Variants in GCC2 observed in about 807,000 individuals in gnomAD.
GCC2 encodes GRIP and coiled-coil domain containing 2.
Under a neutral mutation model 210.6 loss-of-function variants are expected in GCC2, and 120 were observed. The observed-to-expected ratio is 0.57, with a 90% CI of 0.49 to 0.66. The LOEUF (loss-of-function observed/expected upper bound fraction) is 0.66, where lower values mean the gene tolerates loss of function less well. Among genes scored for constraint, GCC2 ranks in the 30% least tolerant of loss-of-function variants. The pLI is 0.00. For missense variants in GCC2, 1,868 were observed against 1,871.9 expected, an observed-to-expected ratio of 1.00 and a Z score of 0.04; for synonymous variants, 703 against 652.7, an observed-to-expected ratio of 1.08 and a Z score of -1.17.
intron 9 of GCC2, among the ~76,000 whole-genome samples, chr2:108,480,846 C>G (rs1319379279): frequency 7.0e-6 from 1 of 143,558 alleles, no homozygotes; most frequent in East Asian, 2.7e-4. Flanking sequence ...TACAACAAAC[C>G]CCTGTGACAC....
intron 16 of GCC2, among the ~76,000 whole-genome samples, chr2:108,487,419 AAT>A (rs1682197303): frequency 6.6e-6 from 1 of 152,144 alleles, no homozygotes; most frequent in Admixed American, 6.6e-5. Context: ...TGGATATCCT[AAT>A]TACCCTGATT....
intron 15 of GCC2, 22 bp from the exon 16 acceptor site, chr2:108,486,489 A>G (rs1033584947): frequency 5.0e-6 from 8 of 1,613,248 alleles, no homozygotes; most frequent in Non-Finnish European, 6.8e-6. Context: ...TGCTAAAGCT[A>G]AATTTAAAGA....
chr2:108,482,493 C>T (rs1180922743), intron 11 of GCC2, 42 bp downstream of exon 11: 2 of 940,030 alleles, frequency 2.1e-6, no homozygotes, highest in Non-Finnish European at 3.3e-6. Flanking sequence ...ATATATGATG[C>T]ATTTACCAAA....
Position 108,470,973 on chromosome 2 carries a change from A to G in GCC2, c.1644A>G (p.Leu548=), listed in dbSNP as rs1202595118. ...NRLQGENEKL[L]SQQELVPELE... is the part of the protein sequence containing the mutation. ...TCCAGGGAGAAAATGAAAAGTTACT[A>G]TCTCAACAAGAATTGGTACCAGAAC... Residue 548 remains leucine (L), a synonymous_variant, in exon 6 of 23, where the codon CTA becomes CTG. Transcript: ENST00000309863. 1.2e-6 allele frequency: 2 copies of G among 1,613,328 alleles called. No individual in the cohort carries two copies. The highest frequency in any genetic ancestry group is 1.7e-5 in the Admixed American group (1 of 60,020).
chr2:108,491,538 AC>A (rs1231568259), intron 18 of GCC2, among the ~76,000 whole-genome samples: 1 of 152,038 alleles, frequency 6.6e-6, no homozygotes, highest in Non-Finnish European at 1.5e-5. Flanking sequence ...CAGCCACTAA[AC>A]CCTGTTTGAA....
At chr2:108,487,299 G>A (rs1433273831) in intron 16 of GCC2, among the ~76,000 whole-genome samples, 1 of 152,188 alleles carries the variant, frequency 6.6e-6, no homozygotes. Context: ...ATCTACCAGG[G>A]TAGAAGACAT....
At chr2:108,453,864 C>G (rs1680097308) in intron 4 of GCC2, among the ~76,000 whole-genome samples, 1 of 151,496 alleles carries the variant, frequency 6.6e-6, no homozygotes, top group South Asian at 2.1e-4. Flanking sequence ...AATGCTTTTT[C>G]ATTCCCTCAC....
At chr2:108,487,385 A>C (rs1682195796) in intron 16 of GCC2, among the ~76,000 whole-genome samples, 2 of 152,188 alleles carry the variant, frequency 1.3e-5, no homozygotes, top group South Asian at 4.1e-4. Flanking sequence ...CCCAACATGA[A>C]GACCTGATAA....
At chr2:108,499,126 T>A (rs1245369107) in intron 21 of GCC2, among the ~76,000 whole-genome samples, 1 of 140,278 alleles carries the variant, frequency 7.1e-6, no homozygotes, top group Admixed American at 7.2e-5. Flanking sequence ...CATTTCCACC[T>A]CTTCATCTGT....
chr2:108,492,718 G>T lies in GCC2; in HGVS notation c.4375G>T (p.Glu1459Ter), dbSNP rs1682467477. Residue 1459 changes from glutamate to a stop codon, truncating the protein, a stop_gained, in exon 19 of 23, where the codon GAG becomes TAG. Coordinates refer to ENST00000309863, the MANE Select transcript of GCC2 (RefSeq NM_181453.4). LOFTEE classifies it high-confidence loss of function. ...HLQEEHRKTV[E>*]TLQQQLSKME... ...GCAGGAAGAACACAGAAAGACAGTG[G>T]AGACATTACAGCAGCAGCTCTCCAA... 6.2e-7 allele frequency: 1 copy of T among 1,613,980 alleles called. No individual in the cohort carries two copies. Among genetic ancestry groups the T allele is most frequent in the Admixed American group, 1.7e-5 (1 of 60,008 alleles).
chr2:108,470,831 T>TAA lies in GCC2; in HGVS notation c.1503_1504dup (p.Ser502LysfsTer8), dbSNP rs1442513029. On this transcript the variant is annotated frameshift_variant, in exon 6 of 23. Coordinates refer to ENST00000309863, the MANE Select transcript of GCC2 (RefSeq NM_181453.4). LOFTEE classifies it high-confidence loss of function. ...GAACTGGGGGAATCTGCTGGAAAAATAAGTCAAGAGTTCGAATCAATGAAG... is the reference window on the plus strand; with the variant it reads ...GAACTGGGGGAATCTGCTGGAAAAATAAAAGTCAAGAGTTCGAATCAATGAAG... 3.7e-6 allele frequency: 6 copies of TAA among 1,613,604 alleles called. No homozygotes were observed. In the African/African-American group the frequency reaches 8.0e-5, roughly 22 times the overall value.
chr2:108,471,651 T>A lies in GCC2; in HGVS notation c.2322T>A (p.Ser774Arg). The A allele has an allele frequency of 6.2e-7, 1 of 1,613,418 alleles. No individual in the cohort carries two copies. Among genetic ancestry groups the A allele is most frequent in the South Asian group, 1.1e-5 (1 of 91,040 alleles). The change falls in exon 6 of 23, where the codon AGT becomes AGA. Residue 774 changes from serine (S) to arginine (R), a missense_variant. By Grantham distance (110) the Ser-to-Arg change is moderately radical. Coordinates refer to ENST00000309863, the MANE Select transcript of GCC2 (RefSeq NM_181453.4). ...TGGGATCAGAAGTTTCAGAAGACAG[T>A]GAAGAGAAAGATGTTGTTAATGTCC... ...KEMGSEVSED[S>R]EEKDVVNVLQ...
chr2:108,469,146 A>C, intron 5 of GCC2, 62 bp downstream of exon 5: 1 of 940,956 alleles, frequency 1.1e-6, no homozygotes, highest in South Asian at 1.5e-5. Flanking sequence ...CATTAATTTT[A>C]GAGGTAAGAC....
intron 12 of GCC2, 106 bp from the exon 13 acceptor site, chr2:108,484,043 C>G: frequency 1.8e-6 from 1 of 562,130 alleles, no homozygotes; most frequent in South Asian, 2.8e-5. Flanking sequence ...AGAAAAGCAC[C>G]CATTTATTGC....
intron 19 of GCC2, among the ~76,000 whole-genome samples, chr2:108,493,137 T>C (rs188435447): frequency 3.9e-5 from 6 of 152,358 alleles, no homozygotes; most frequent in African/African-American, 1.4e-4. Flanking sequence ...TCGCCCAGGC[T>C]GGAGTGCAGT....
chr2:108,470,598 C>T lies in GCC2; in HGVS notation c.1269C>T (p.Asn423=), dbSNP rs1167702345. The part of the protein sequence containing the change: ...KQFCYTVEQH[N]REVQSLKEQH... ...TTTGCTATACTGTAGAACAGCATAACAGAGAAGTACAGAGTCTTAAGGAAC... is the reference window on the plus strand; with the variant it reads ...TTTGCTATACTGTAGAACAGCATAATAGAGAAGTACAGAGTCTTAAGGAAC... Residue 423 remains asparagine, a synonymous_variant, in exon 6 of 23, where the codon AAC becomes AAT. Coordinates refer to ENST00000309863, the MANE Select transcript of GCC2 (RefSeq NM_181453.4). 4 of 1,610,114 alleles carry T rather than the reference C, an allele frequency of 2.5e-6. No individual in the cohort carries two copies. The highest frequency in any genetic ancestry group is 2.2e-5 in the East Asian group (1 of 44,838).
intron 9 of GCC2, among the ~76,000 whole-genome samples, chr2:108,480,602 G>A (rs1681801118): frequency 6.6e-6 from 1 of 152,170 alleles, no homozygotes; most frequent in East Asian, 1.9e-4. Context: ...CCTTTGCAGG[G>A]ACATGTATGA....
chr2:108,476,758 G>A (rs1681550631), intron 9 of GCC2, among the ~76,000 whole-genome samples: 1 of 152,158 alleles, frequency 6.6e-6, no homozygotes, highest in Non-Finnish European at 1.5e-5. Context: ...GGGGCAGGTT[G>A]GAGGTCAACC....
Position 108,498,545 on chromosome 2 carries a change from T to C in GCC2, c.4783-1008T>C, listed in dbSNP as rs187241250. 1.1e-3 allele frequency among the ~76,000 whole-genome samples: 175 copies of C among 152,300 alleles called. 1 individual carries two copies. The highest frequency in any genetic ancestry group is 4.0e-3 in the African/African-American group (166 of 41,576). The stretch of plus-strand genomic sequence containing the variant: ...CTCTCTTCATGATTTCTTAGTCTTC[T>C]TTATTGTCACTTTTTTAAATGGTCC... On this transcript the variant is annotated intron_variant, in intron 21 of 22. Coordinates refer to ENST00000309863, the MANE Select transcript of GCC2 (RefSeq NM_181453.4).
Sources: allele counts gnomAD v4.1 joint callset (sites outside exome capture counted in the v4.1 genomes callset), GRCh38; gene constraint gnomAD v4.1.1; transcripts MANE v1.5; gene names NCBI Gene and HGNC (gene_info 2026-07-23, HGNC 2026-07-21).